Variants in PTPRS observed in about 807,000 individuals in gnomAD.
PTPRS encodes protein tyrosine phosphatase receptor type S.
In PTPRS, 63 loss-of-function variants were observed where a neutral mutation model predicts 215.3. That is an observed-to-expected ratio of 0.29 (90% CI 0.24 to 0.36). The LOEUF is 0.36. Ranked by LOEUF, PTPRS falls within the 10% of genes least tolerant of loss-of-function variation. The pLI, the probability that PTPRS is intolerant of heterozygous loss-of-function variation, is 1.00. For missense variants in PTPRS, 2,258 were observed against 2,825.8 expected, an observed-to-expected ratio of 0.80 and a Z score of 4.56; for synonymous variants, 1,404 against 1,191.4, an observed-to-expected ratio of 1.18 and a Z score of -3.68.
intron 13 of PTPRS, among the ~76,000 whole-genome samples, chr19:5,234,178 G>A (rs1400959441): frequency 6.6e-6 from 1 of 152,020 alleles, no homozygotes; most frequent in South Asian, 2.1e-4. Flanking sequence ...TTTTCTTGTA[G>A]TAAAAGCATT....
intron 1 of PTPRS, among the ~76,000 whole-genome samples, chr19:5,309,909 G>A (rs1451244934): frequency 2.0e-5 from 3 of 152,204 alleles, no homozygotes; most frequent in South Asian, 2.1e-4. Context: ...GCCAGGGGTC[G>A]CCTGTGAACA....
At position 5,293,353 on chromosome 19, in the gene PTPRS, G is replaced by C. The variant is rs1331840128; in HGVS notation, c.-94-7119C>G. On this transcript the variant is annotated intron_variant, in intron 1 of 37. Coordinates refer to ENST00000262963, the MANE Select transcript of PTPRS (RefSeq NM_002850.4). This position sits in a 1 kb window ranked among gnomAD's most constrained non-coding sequence, Gnocchi z 8.4. ...CGGGGCTGCAGGGGACGGGCCCCGA[G>C]GAGGGGGATTGGGGGGCAGGGCGGG... 1 of 151,550 alleles carries C rather than the reference G, an allele frequency of 6.6e-6. No homozygotes were observed. Among genetic ancestry groups the C allele is most frequent in the Non-Finnish European group, 1.5e-5 (1 of 67,778 alleles). 9.4% of individuals were successfully genotyped at this position (151,550 alleles called of 1,614,324 possible). A position where few individuals can be genotyped will look rare whatever the true frequency, so the allele number is the denominator to read the frequency against.
At chr19:5,317,928 T>C (rs1363443481) in intron 1 of PTPRS, among the ~76,000 whole-genome samples, 3 of 152,050 alleles carry the variant, frequency 2.0e-5, no homozygotes, top group Non-Finnish European at 4.4e-5. Flanking sequence ...TCCCAGCACG[T>C]TGGGATGCCG....
At chr19:5,301,338 CAG>C (rs1404950185) in intron 1 of PTPRS, among the ~76,000 whole-genome samples, 1 of 143,270 alleles carries the variant, frequency 7.0e-6, no homozygotes, top group Admixed American at 7.1e-5. Context: ...TTTTTTGAGA[CAG>C]AGTCTCGCTC....
At position 5,222,222 on chromosome 19, in the gene PTPRS, T is replaced by C; in HGVS notation, c.3104-2A>G. 6.2e-7 allele frequency: 1 copy of C among 1,612,958 alleles called. No homozygotes were observed. The highest frequency in any genetic ancestry group is 8.5e-7 in the Non-Finnish European group (1 of 1,179,366). ...TCACCTTGAAGTTCTTGGGCGAGAC[T>C]GCCGGGGAGGCGGCCGAGCAGGGAG... is the stretch of plus-strand genomic sequence containing the variant. On this transcript the variant is annotated splice_acceptor_variant, in intron 18 of 37. Transcript: ENST00000262963. LOFTEE classifies it high-confidence loss of function.
intron 30 of PTPRS, 93 bp downstream of exon 30, chr19:5,214,268 C>A: frequency 1.9e-6 from 3 of 1,560,804 alleles, no homozygotes; most frequent in Non-Finnish European, 2.6e-6. Context: ...CTCTCTGTCC[C>A]ATGGGGAGCT....
At chr19:5,253,576 A>G (rs558586489) in intron 9 of PTPRS, among the ~76,000 whole-genome samples, 1 of 152,266 alleles carries the variant, frequency 6.6e-6, no homozygotes, top group Non-Finnish European at 1.5e-5. Flanking sequence ...AATGAGAGCT[A>G]TGGCTCTGGG....
chr19:5,265,238 A>C (rs749575715), intron 4 of PTPRS, 42 bp from the exon 5 acceptor site: 1 of 1,563,770 alleles, frequency 6.4e-7, no homozygotes. Flanking sequence ...GGTTCTGAGC[A>C]CTGCACAGCC....
At chr19:5,248,810 C>T (rs2044742358) in intron 9 of PTPRS, among the ~76,000 whole-genome samples, 1 of 152,228 alleles carries the variant, frequency 6.6e-6, no homozygotes, top group Non-Finnish European at 1.5e-5. Flanking sequence ...GAAGGTCCCC[C>T]ATCCTCCTGG....
intron 1 of PTPRS, among the ~76,000 whole-genome samples, chr19:5,307,087 C>G (rs1415144990): frequency 6.6e-6 from 1 of 152,136 alleles, no homozygotes; most frequent in Non-Finnish European, 1.5e-5. Context: ...GGAAGATCAC[C>G]TGAGGTCAAG....
intron 13 of PTPRS, among the ~76,000 whole-genome samples, chr19:5,232,547 C>G (rs574571410): frequency 4.6e-5 from 7 of 150,582 alleles, no homozygotes; most frequent in East Asian, 2.0e-4. Context: ...CCAAGGGGAA[C>G]AGCAACAGAA....
At chr19:5,290,174 G>A (rs2048694252) in intron 1 of PTPRS, among the ~76,000 whole-genome samples, 1 of 152,196 alleles carries the variant, frequency 6.6e-6, no homozygotes, top group African/African-American at 2.4e-5. Flanking sequence ...CTGGCTCTCA[G>A]GGGCTGCACT....
At position 5,305,748 on chromosome 19, in the gene PTPRS, T is replaced by TAA. The variant is rs1400784476; in HGVS notation, c.-94-19515_-94-19514insTT. On this transcript the variant is annotated intron_variant, in intron 1 of 37. Transcript: ENST00000262963. ...CGTCTCTGAAAAATAAATAAATAAATATATATATATATATATATTTTTTTT... is the reference window on the plus strand; with the variant it reads ...CGTCTCTGAAAAATAAATAAATAAATAAATATATATATATATATATTTTTTTT... Among the ~76,000 whole-genome samples the TAA allele has an allele frequency of 6.5e-3, 446 of 68,532 alleles. 3 individuals are homozygous for TAA. Among genetic ancestry groups the TAA allele is most frequent in the African/African-American group, 0.029 (331 of 11,512 alleles). The allele number at this position is 68,532 out of a possible 152,430, so 45.0% of individuals were successfully genotyped here. A position where few individuals can be genotyped will look rare whatever the true frequency, so the allele number is the denominator to read the frequency against.
At chr19:5,319,271 C>A (rs35825892) in intron 1 of PTPRS, among the ~76,000 whole-genome samples, 13,607 of 151,974 alleles carry the variant, frequency 0.09, 769 homozygotes, top group Non-Finnish European at 0.14. Flanking sequence ...ATTAGCCATG[C>A]GTGGTGGTGT....
In PTPRS at chr19:5,206,157, G is replaced by GA. The variant is rs1568349410; in HGVS notation, c.*616dup. On this transcript the variant is annotated 3_prime_UTR_variant, in exon 38 of 38. Coordinates refer to ENST00000262963, the MANE Select transcript of PTPRS (RefSeq NM_002850.4). Reference sequence around the variant, plus strand: ...ATCACACAAGGACGCTTTCTACAGTGAAAAAATAGACTGTCTTTGAACAGA... The same window carrying GA: ...ATCACACAAGGACGCTTTCTACAGTGAAAAAAATAGACTGTCTTTGAACAGA... 6.7e-6 allele frequency among the ~76,000 whole-genome samples: 1 copy of GA among 149,852 alleles called. No homozygotes were observed. The highest frequency in any genetic ancestry group is 2.0e-4 in the East Asian group (1 of 5,112).
rs1324580996 is a variant in PTPRS, at chr19:5,338,026, C to A, written c.-95+2638G>T. 6.6e-6 allele frequency among the ~76,000 whole-genome samples: 1 copy of A among 152,026 alleles called. No homozygotes were observed. On this transcript the variant is annotated intron_variant, in intron 1 of 37. Coordinates refer to ENST00000262963, the MANE Select transcript of PTPRS (RefSeq NM_002850.4). This position sits in a 1 kb window ranked among gnomAD's most constrained non-coding sequence, Gnocchi z 4.2. ...TTCCTGGAGAGGGGGAAATCGTCCC[C>A]GGAGCTGACCTGCCAACCAGTAGCA... is the stretch of plus-strand genomic sequence containing the variant.
intron 1 of PTPRS, among the ~76,000 whole-genome samples, chr19:5,328,000 T>A (rs978187129): frequency 2.0e-5 from 3 of 152,148 alleles, no homozygotes; most frequent in African/African-American, 4.8e-5. Flanking sequence ...AGACAAGAAA[T>A]CTCACAGACT....
At chr19:5,308,414 C>T (rs1293645149) in intron 1 of PTPRS, among the ~76,000 whole-genome samples, 1 of 152,224 alleles carries the variant, frequency 6.6e-6, no homozygotes, top group African/African-American at 2.4e-5. Flanking sequence ...GCATCAGTCA[C>T]TATAGTGTCC....
intron 30 of PTPRS, 73 bp from the exon 31 acceptor site, chr19:5,212,564 C>G: frequency 6.6e-7 from 1 of 1,508,026 alleles, no homozygotes; most frequent in Admixed American, 2.0e-5. Flanking sequence ...GCCCAAGTGG[C>G]CGGGTGTGGT....
Sources: gnomAD v4.1 joint callset for allele counts (sites outside exome capture counted in the v4.1 genomes callset) on GRCh38, gnomAD v4.1.1 for gene constraint, Gnocchi (gnomAD v3.1) non-coding constraint, MANE v1.5 for transcripts, NCBI Gene and HGNC (gene_info 2026-07-23, HGNC 2026-07-21) for gene names.